The following RBM47 variants were observed in gnomAD, a reference collection of about 807,000 sequenced individuals.
The protein encoded by RBM47 is RNA binding motif protein 47, also known as RNA-binding protein 47.
In RBM47, 21 loss-of-function variants were observed where a neutral mutation model predicts 47.1. That is an observed-to-expected ratio of 0.45 (90% confidence interval 0.32 to 0.64). The LOEUF is 0.64. RBM47 is among the 30% of genes least tolerant of loss of function. RBM47 has a pLI of 0.05. For missense variants in RBM47, 708 were observed against 870.9 expected, an observed-to-expected ratio of 0.81 and a Z score of 2.35; for synonymous variants, 375 against 361.7, an observed-to-expected ratio of 1.04 and a Z score of -0.42.
intron 2 of RBM47, among the ~76,000 whole-genome samples, chr4:40,486,069 CAAAAAAAAA>C (rs201408070): frequency 1.3e-4 from 8 of 62,818 alleles, no homozygotes; most frequent in African/African-American, 3.0e-4. Flanking sequence ...AACCCTGTTT[CAAAAAAAAA>C]AAAAAAAAAA....
intron 2 of RBM47, among the ~76,000 whole-genome samples, chr4:40,481,894 A>G (rs1720484757): frequency 6.6e-6 from 1 of 152,186 alleles, no homozygotes; most frequent in African/African-American, 2.4e-5. Flanking sequence ...CATGTTGGCC[A>G]CGCTGGTCTC....
intron 1 of RBM47, among the ~76,000 whole-genome samples, chr4:40,585,798 G>T (rs531108425): frequency 1.3e-5 from 2 of 152,206 alleles, no homozygotes; most frequent in Non-Finnish European, 2.9e-5. Flanking sequence ...AGCATCTGTC[G>T]TTCACTGCTG....
chr4:40,630,708 A>G (rs930275175), upstream of RBM47: 1 of 152,140 alleles, frequency 6.6e-6, no homozygotes, highest in Non-Finnish European at 1.5e-5. Context: ...AGTTGGCTCG[A>G]ACCCCCACCC....
In RBM47 at chr4:40,425,841, A is replaced by G. The variant is rs1211270731; in HGVS notation, c.*63T>C. ...TGTGAATCCAACATGTTCCTTCTTCATAAATAGTCAAGCGTTCCTTCAGTG... is the reference window on the plus strand; with the variant it reads ...TGTGAATCCAACATGTTCCTTCTTCGTAAATAGTCAAGCGTTCCTTCAGTG... On this transcript the variant is annotated 3_prime_UTR_variant, in exon 7 of 7. Coordinates refer to ENST00000295971, the MANE Select transcript of RBM47 (RefSeq NM_001098634.2). 4 of 1,567,360 alleles carry G rather than the reference A, an allele frequency of 2.6e-6. No individual in the cohort carries two copies. Among genetic ancestry groups the G allele is most frequent in the Admixed American group, 3.6e-5 (2 of 55,818 alleles).
chr4:40,451,604 G>A (rs933948933), intron 3 of RBM47, among the ~76,000 whole-genome samples: 8 of 152,008 alleles, frequency 5.3e-5, no homozygotes, highest in Non-Finnish European at 8.8e-5. Flanking sequence ...TTTTTTTAAA[G>A]ACATACTATG....
At position 40,424,336 on chromosome 4, in the gene RBM47, TA is replaced by T. The variant is rs911634952; in HGVS notation, c.*1567del. The T allele has an allele frequency of 2.5e-4, 38 of 152,664 alleles. No homozygotes were observed. The highest frequency in any genetic ancestry group is 7.2e-4 in the African/African-American group (30 of 41,472). The allele number at this position is 152,664 out of a possible 1,614,324, so 9.5% of individuals were successfully genotyped here. ...CCTTTAAAAAACAATTCCAAGTTGA[TA>T]TTTTTTTTTAAAAAGTAGATGACAA... On this transcript the variant is annotated 3_prime_UTR_variant, in exon 7 of 7. Transcript: ENST00000295971.
intron 2 of RBM47, among the ~76,000 whole-genome samples, chr4:40,468,832 A>G (rs1470833574): frequency 6.6e-6 from 1 of 152,248 alleles, no homozygotes; most frequent in Admixed American, 6.5e-5. Context: ...CTGTGAAAAG[A>G]TAATTCCTGA....
intron 1 of RBM47, among the ~76,000 whole-genome samples, chr4:40,614,950 C>T (rs1003379642): frequency 2.0e-5 from 3 of 151,900 alleles, no homozygotes; most frequent in African/African-American, 2.4e-5. Context: ...CTACTTCTCA[C>T]GGGTGGTTTG....
intron 2 of RBM47, chr4:40,514,793 G>A (rs1422543286): frequency 6.6e-6 from 1 of 152,246 alleles, no homozygotes; most frequent in African/African-American, 2.4e-5. Flanking sequence ...TCAGGTGGTG[G>A]GGGCGGAGTT....
intron 1 of RBM47, among the ~76,000 whole-genome samples, chr4:40,551,166 GTA>G (rs900842115): frequency 6.6e-6 from 1 of 152,098 alleles, no homozygotes; most frequent in Non-Finnish European, 1.5e-5. Context: ...TACATGAGAG[GTA>G]TACACACATC....
At chr4:40,555,522 T>C (rs1729996161) in intron 1 of RBM47, among the ~76,000 whole-genome samples, 1 of 152,220 alleles carries the variant, frequency 6.6e-6, no homozygotes, top group South Asian at 2.1e-4. Flanking sequence ...ACGTGCAACA[T>C]ATTATCTTTC....
intron 1 of RBM47, among the ~76,000 whole-genome samples, chr4:40,555,986 G>C (rs1416292674): frequency 6.6e-6 from 1 of 151,886 alleles, no homozygotes; most frequent in African/African-American, 2.4e-5. Context: ...TCTTCCCCAG[G>C]AGCCTCTGGG....
intron 2 of RBM47, among the ~76,000 whole-genome samples, chr4:40,491,306 T>C (rs770066340): frequency 1.2e-4 from 18 of 152,306 alleles, no homozygotes; most frequent in South Asian, 2.1e-4. Context: ...CTAATTCATA[T>C]CATATACAAA....
chr4:40,501,862 G>A (rs535760793), intron 2 of RBM47, among the ~76,000 whole-genome samples: 1 of 152,298 alleles, frequency 6.6e-6, no homozygotes, highest in South Asian at 2.1e-4. Context: ...CAGATGCTCA[G>A]ATAAGAGTGA....
intron 6 of RBM47, among the ~76,000 whole-genome samples, chr4:40,428,977 T>G (rs1715476639): frequency 6.6e-6 from 1 of 152,174 alleles, no homozygotes; most frequent in East Asian, 1.9e-4. Context: ...AGTCTGAAAA[T>G]ATTAAACTGA....
intron 5 of RBM47, among the ~76,000 whole-genome samples, chr4:40,434,203 A>G (rs1052811508): frequency 6.6e-5 from 10 of 152,198 alleles, no homozygotes; most frequent in Non-Finnish European, 8.8e-5. Context: ...GATAAAATAT[A>G]CCTAAAACCT....
chr4:40,516,292 G>A (rs1358741528), intron 2 of RBM47, among the ~76,000 whole-genome samples: 8 of 127,118 alleles, frequency 6.3e-5, no homozygotes, highest in Non-Finnish European at 9.4e-5. Flanking sequence ...ACGGATTCTC[G>A]CTCTGTCACC....
At chr4:40,564,505 C>T (rs918650248) in intron 1 of RBM47, among the ~76,000 whole-genome samples, 3 of 152,208 alleles carry the variant, frequency 2.0e-5, no homozygotes, top group African/African-American at 7.2e-5. Flanking sequence ...TTACAGCCAC[C>T]TAGCCTATCC....
At chr4:40,607,938 C>A (rs1055925866) in intron 1 of RBM47, among the ~76,000 whole-genome samples, 2 of 151,974 alleles carry the variant, frequency 1.3e-5, no homozygotes, top group Admixed American at 1.3e-4. Flanking sequence ...AACTTCATCT[C>A]TACTAAAATA....
Sources: gnomAD v4.1 joint callset for allele counts (sites outside exome capture counted in the v4.1 genomes callset) on GRCh38, gnomAD v4.1.1 for gene constraint, MANE v1.5 for transcripts, NCBI Gene and HGNC (gene_info 2026-07-23, HGNC 2026-07-21) for gene names.